Variants in FSHB observed in about 807,000 individuals in gnomAD.
FSHB encodes follitropin subunit beta.
A neutral mutation model predicts 12.1 loss-of-function variants in FSHB; 8 were observed. The observed-to-expected ratio is 0.66, with a 90% CI of 0.39 to 1.19. The LOEUF (loss-of-function observed/expected upper bound fraction) is 1.19. Among genes scored for constraint, FSHB ranks in the 50% most tolerant of loss-of-function variants. The pLI is 0.01. For synonymous variants in FSHB, 55 were observed against 54.6 expected, an observed-to-expected ratio of 1.01 and a Z score of -0.04; for missense variants, 153 against 157.2, an observed-to-expected ratio of 0.97 and a Z score of 0.14.
At chr11:30,232,170 G>A in intron 2 of FSHB, 109 bp downstream of exon 2, 1 of 1,118,384 alleles carries the variant, frequency 8.9e-7, no homozygotes, top group South Asian at 1.3e-5. Flanking sequence ...ACAGCCATGA[G>A]TCCTTTAGCC....
Position 30,231,885 on chromosome 11 carries a change from T to C in FSHB, c.-18T>C. On this transcript the variant is annotated 5_prime_UTR_variant, in exon 2 of 3. Coordinates refer to ENST00000533718, the MANE Select transcript of FSHB (RefSeq NM_001382289.1). ...TCTCAGTTTCTAGTGGGCTTCATTGTTTGCTTCCCAGACCAGGATGAAGAC... is the reference window on the plus strand; with the variant it reads ...TCTCAGTTTCTAGTGGGCTTCATTGCTTGCTTCCCAGACCAGGATGAAGAC... The C allele has an allele frequency of 6.2e-7, 1 of 1,613,736 alleles. No individual in the cohort carries two copies. Among genetic ancestry groups the C allele is most frequent in the East Asian group, 2.2e-5 (1 of 44,856 alleles).
Position 30,233,837 on chromosome 11 carries a change from T to A in FSHB, c.*37T>A, listed in dbSNP as rs1180649450. ...CATTTCAGGCCACATACCCTTGTCC[T>A]GAAGGACCAAGATATTCAAAAAGTC... On this transcript the variant is annotated 3_prime_UTR_variant, in exon 3 of 3. Coordinates refer to ENST00000533718, the MANE Select transcript of FSHB (RefSeq NM_001382289.1). 2 of 1,551,896 alleles carry A rather than the reference T, an allele frequency of 1.3e-6. No homozygotes were observed. The highest frequency in any genetic ancestry group is 2.2e-5 in the South Asian group (2 of 89,008).
intron 2 of FSHB, among the ~76,000 whole-genome samples, chr11:30,232,772 A>G (rs1458067199): frequency 8.5e-5 from 13 of 152,206 alleles, no homozygotes; most frequent in Admixed American, 8.5e-4. Context: ...TTCATTCTAT[A>G]AACTAAAATT....
At position 30,233,563 on chromosome 11, in the gene FSHB, T is replaced by C; in HGVS notation, c.160-7T>C. On this transcript the variant is annotated splice_region_variant and splice_polypyrimidine_tract_variant and intron_variant, in intron 2 of 2. Transcript: ENST00000533718. The stretch of plus-strand genomic sequence containing the variant: ...CCATAACCTAACTCTCTTCTTAAAC[T>C]CCTCAGGATCTGGTGTATAAGGACC... 6.2e-7 allele frequency: 1 copy of C among 1,606,568 alleles called. No individual in the cohort carries two copies. Among genetic ancestry groups the C allele is most frequent in the Non-Finnish European group, 8.5e-7 (1 of 1,173,210 alleles).
Position 30,233,626 on chromosome 11 carries a change from G to T in FSHB, c.216G>T (p.Lys72Asn). 1 of 1,614,012 alleles carries T rather than the reference G, an allele frequency of 6.2e-7. No homozygotes were observed. Among genetic ancestry groups the T allele is most frequent in the Non-Finnish European group, 8.5e-7 (1 of 1,179,942 alleles). The change falls in exon 3 of 3, where the codon AAG becomes AAT. Residue 72 changes from lysine (K) to asparagine (N), a missense_variant. Coordinates refer to ENST00000533718, the MANE Select transcript of FSHB (RefSeq NM_001382289.1). ...AAATCCAGAAAACATGTACCTTCAA[G>T]GAACTGGTATACGAAACAGTGAGAG... ...RPKIQKTCTF[K>N]ELVYETVRVP...
rs1044572003 is a variant in FSHB, at chr11:30,233,655, C to A, written c.245C>A (p.Pro82His). 6.2e-7 allele frequency: 1 copy of A among 1,614,016 alleles called. No individual in the cohort carries two copies. The highest frequency in any genetic ancestry group is 8.5e-7 in the Non-Finnish European group (1 of 1,179,954). Reference protein sequence around the residue: ...KELVYETVRVPGCAHHADSLY... With the variant: ...KELVYETVRVHGCAHHADSLY... ...CTGGTATACGAAACAGTGAGAGTGC[C>A]CGGCTGTGCTCACCATGCAGATTCC... Residue 82 changes from proline to histidine, a missense_variant, in exon 3 of 3, where the codon CCC (proline) becomes CAC (histidine). Physicochemically the swap from Pro to His is moderately conservative, Grantham distance 77. Transcript: ENST00000533718.
chr11:30,233,722 G>A lies in FSHB; in HGVS notation c.312G>A (p.Lys104=), dbSNP rs34365964. 3,167 of 1,614,070 alleles carry A rather than the reference G, an allele frequency of 2.0e-3. 57 individuals carry two copies. The highest frequency in any genetic ancestry group is 1.4e-3 in the East Asian group (61 of 44,864). Residue 104 remains lysine, a synonymous_variant, in exon 3 of 3, where the codon AAG becomes AAA. Transcript: ENST00000533718. ...TGGCCACCCAGTGTCACTGTGGCAA[G>A]TGTGACAGCGACAGCACTGATTGTA... ...YPVATQCHCG[K]CDSDSTDCTV... is the part of the protein sequence containing the mutation.
At chr11:30,233,093 A>G (rs1852030258) in intron 2 of FSHB, among the ~76,000 whole-genome samples, 1 of 152,216 alleles carries the variant, frequency 6.6e-6, no homozygotes, top group African/African-American at 2.4e-5. Flanking sequence ...GAATATTTAA[A>G]ATCTTATGTT....
At position 30,231,959 on chromosome 11, in the gene FSHB, T is replaced by C; in HGVS notation, c.57T>C (p.Asn19=). ...LFCCWKAICC[N]SCELTNITIA... ...GTTGCTGGAAAGCAATCTGCTGCAA[T>C]AGCTGTGAGCTGACCAACATCACCA... Residue 19 remains asparagine, a synonymous_variant, in exon 2 of 3, where the codon AAT becomes AAC. Coordinates refer to ENST00000533718, the MANE Select transcript of FSHB (RefSeq NM_001382289.1). The C allele has an allele frequency of 1.2e-6, 2 of 1,613,990 alleles. No homozygotes were observed. The highest frequency in any genetic ancestry group is 1.7e-6 in the Non-Finnish European group (2 of 1,179,902).
chr11:30,231,874 G>T lies in FSHB; in HGVS notation c.-29G>T, dbSNP rs1564984479. On this transcript the variant is annotated 5_prime_UTR_variant, in exon 2 of 3. Transcript: ENST00000533718. ...GTTCTTTGGTTTCTCAGTTTCTAGT[G>T]GGCTTCATTGTTTGCTTCCCAGACC... The T allele has an allele frequency of 5.6e-6, 9 of 1,612,864 alleles. No homozygotes were observed. Among genetic ancestry groups the T allele is most frequent in the Non-Finnish European group, 5.9e-6 (7 of 1,179,232 alleles).
chr11:30,233,227 T>C (rs1416723906), intron 2 of FSHB, among the ~76,000 whole-genome samples: 1 of 152,204 alleles, frequency 6.6e-6, no homozygotes, highest in African/African-American at 2.4e-5. Flanking sequence ...TCTTTGTTTA[T>C]GGTTTGTTAT....
rs951234042 is a variant in FSHB, at chr11:30,234,110, G to C, written c.*310G>C. 15 of 369,910 alleles carry C rather than the reference G, an allele frequency of 4.1e-5. No homozygotes were observed. Among genetic ancestry groups the C allele is most frequent in the Non-Finnish European group, 7.3e-5 (14 of 192,088 alleles). 22.9% of individuals were successfully genotyped at this position (369,910 alleles called of 1,614,324 possible). On this transcript the variant is annotated 3_prime_UTR_variant, in exon 3 of 3. Transcript: ENST00000533718. ...TTCTCAGGCAATGCCTCTCTCTTAG[G>C]GGGAAACATAAGCCTAGAAGGAGGA...
chr11:30,231,508 A>C (rs1414675228), intron 1 of FSHB, among the ~76,000 whole-genome samples: 1 of 152,172 alleles, frequency 6.6e-6, no homozygotes, highest in Non-Finnish European at 1.5e-5. Context: ...AAAGAAAAGA[A>C]TTTTATTTTT....
At chr11:30,231,110 C>A (rs1852000134) in intron 1 of FSHB, 62 bp downstream of exon 1, 1 of 152,300 alleles carries the variant, frequency 6.6e-6, no homozygotes, top group East Asian at 1.9e-4. Context: ...ACAGATTTGT[C>A]AGGACATGGA....
chr11:30,233,496 T>C, intron 2 of FSHB, 74 bp from the exon 3 acceptor site: 4 of 1,151,436 alleles, frequency 3.5e-6, no homozygotes, highest in Non-Finnish European at 5.3e-6. Context: ...GTATTCAATT[T>C]CTGTCTCATT....
In FSHB at chr11:30,233,882, CA is replaced by C. The variant is rs1270909881; in HGVS notation, c.*83del. Reference sequence around the variant, plus strand: ...AAAGTCTGTGTGTGTGCAATGTGCCCAGGGGACAAACCACTGGATCAGGGGA... The same window carrying C: ...AAAGTCTGTGTGTGTGCAATGTGCCCGGGGACAAACCACTGGATCAGGGGA... On this transcript the variant is annotated 3_prime_UTR_variant, in exon 3 of 3. Coordinates refer to ENST00000533718, the MANE Select transcript of FSHB (RefSeq NM_001382289.1). 1 of 1,150,006 alleles carries C rather than the reference CA, an allele frequency of 8.7e-7. No individual in the cohort carries two copies. The highest frequency in any genetic ancestry group is 1.3e-6 in the Non-Finnish European group (1 of 782,260). The allele number at this position is 1,150,006 out of a possible 1,614,324, so 71.2% of individuals were successfully genotyped here.
In FSHB at chr11:30,234,143, A is replaced by G; in HGVS notation, c.*343A>G. 3.0e-6 allele frequency: 1 copy of G among 336,582 alleles called. No individual in the cohort carries two copies. Among genetic ancestry groups the G allele is most frequent in the Non-Finnish European group, 5.8e-6 (1 of 172,772 alleles). 20.8% of individuals were successfully genotyped at this position (336,582 alleles called of 1,614,324 possible). A position where few individuals can be genotyped will look rare whatever the true frequency, so the allele number is the denominator to read the frequency against. On this transcript the variant is annotated 3_prime_UTR_variant, in exon 3 of 3. Transcript: ENST00000533718. ...ATAAGCCTAGAAGGAGGAAGCAGTA[A>G]TGGGAGTGAGTGAAAGAACTAACTG...
intron 2 of FSHB, among the ~76,000 whole-genome samples, chr11:30,232,982 C>T (rs1852029098): frequency 6.6e-6 from 1 of 152,092 alleles, no homozygotes; most frequent in South Asian, 2.1e-4. Flanking sequence ...ATAATTTCTA[C>T]CTGGATTAAA....
At position 30,233,784 on chromosome 11, in the gene FSHB, G is replaced by A. The variant is rs960236301; in HGVS notation, c.374G>A (p.Gly125Asp). 6.2e-7 allele frequency: 1 copy of A among 1,613,642 alleles called. No individual in the cohort carries two copies. Among genetic ancestry groups the A allele is most frequent in the Non-Finnish European group, 8.5e-7 (1 of 1,179,678 alleles). Residue 125 changes from glycine (G) to aspartate (D), a missense_variant, in exon 3 of 3, where the codon GGT becomes GAT. Coordinates refer to ENST00000533718, the MANE Select transcript of FSHB (RefSeq NM_001382289.1). ...CTGGGGCCCAGCTACTGCTCCTTTG[G>A]TGAAATGAAAGAATAAAGATCAGTG... ...RGLGPSYCSF[G>D]EMKE
Sources: allele counts gnomAD v4.1 joint callset (sites outside exome capture counted in the v4.1 genomes callset), GRCh38; gene constraint gnomAD v4.1.1; transcripts MANE v1.5; gene names NCBI Gene and HGNC (gene_info 2026-07-23, HGNC 2026-07-21).